Variants in BNC2 observed in about 807,000 individuals in gnomAD.
The protein encoded by BNC2 is basonuclin zinc finger protein 2.
In BNC2, 20 loss-of-function variants were observed where a neutral mutation model predicts 76.3. The ratio of observed to expected loss-of-function variants is 0.26; its 90% CI spans 0.18 to 0.38. The LOEUF (loss-of-function observed/expected upper bound fraction) is 0.38, where lower values mean the gene tolerates loss of function less well. BNC2 is among the 10% of genes least tolerant of loss of function. The probability of loss-of-function intolerance (pLI) is 1.00; values close to 1 mark genes in which losing one functional copy is unlikely to be tolerated. For synonymous variants in BNC2, 582 were observed against 514.8 expected (o/e 1.13, Z -1.77); for missense variants, 1,382 against 1,399.8 (o/e 0.99, Z 0.20).
At chr9:16,670,572 G>C (rs1488343651) in intron 3 of BNC2, among the ~76,000 whole-genome samples, 1 of 152,192 alleles carries the variant, frequency 6.6e-6, no homozygotes, top group Non-Finnish European at 1.5e-5. Context: ...TTATGCTTTA[G>C]TGTGGATAAA....
chr9:16,699,944 C>T (rs377496384), intron 3 of BNC2, among the ~76,000 whole-genome samples: 7 of 152,220 alleles, frequency 4.6e-5, no homozygotes, highest in African/African-American at 1.7e-4. Flanking sequence ...ATTATCATGG[C>T]AGTTAATTTG....
chr9:16,794,769 T>C (rs1463467032), intron 1 of BNC2, among the ~76,000 whole-genome samples: 1 of 152,208 alleles, frequency 6.6e-6, no homozygotes, highest in South Asian at 2.1e-4. Flanking sequence ...TTTACACTTT[T>C]GGGGGTTTAG....
intron 1 of BNC2, among the ~76,000 whole-genome samples, chr9:16,816,938 C>A (rs1378185586): frequency 6.6e-6 from 1 of 152,160 alleles, no homozygotes; most frequent in Non-Finnish European, 1.5e-5. Context: ...ATCTAGGACT[C>A]CCCAAAGTTT....
At chr9:16,787,144 T>C (rs976753762) in intron 1 of BNC2, among the ~76,000 whole-genome samples, 14 of 152,050 alleles carry the variant, frequency 9.2e-5, no homozygotes, top group Admixed American at 3.3e-4. Flanking sequence ...CAGCAACATC[T>C]CTCTTCACTG....
intron 5 of BNC2, among the ~76,000 whole-genome samples, chr9:16,529,463 G>T (rs1040863860): frequency 6.6e-6 from 1 of 151,984 alleles, no homozygotes; most frequent in Non-Finnish European, 1.5e-5. Context: ...ATACATTACT[G>T]CAATGTTTCA....
chr9:16,728,494 T>C (rs898609620), intron 2 of BNC2, among the ~76,000 whole-genome samples: 1 of 152,192 alleles, frequency 6.6e-6, no homozygotes, highest in African/African-American at 2.4e-5. Context: ...ACATAATATC[T>C]GACACCAGTC....
At chr9:16,452,859 C>G (rs1821371708) in intron 5 of BNC2, among the ~76,000 whole-genome samples, 1 of 152,162 alleles carries the variant, frequency 6.6e-6, no homozygotes, top group African/African-American at 2.4e-5. Context: ...TGCATCTGTT[C>G]AATCTATTTT....
intron 3 of BNC2, among the ~76,000 whole-genome samples, chr9:16,694,724 C>G (rs1823284419): frequency 6.6e-6 from 1 of 152,182 alleles, no homozygotes; most frequent in Non-Finnish European, 1.5e-5. Context: ...AGATTCAGTC[C>G]TGCTGTTCCA....
intron 5 of BNC2, among the ~76,000 whole-genome samples, chr9:16,535,038 A>C (rs558111685): frequency 1.3e-5 from 2 of 152,292 alleles, no homozygotes; most frequent in East Asian, 3.9e-4. Context: ...CCAAATTTTT[A>C]ACTTTTGTCA....
rs1468422791 is a variant in BNC2, at chr9:16,412,128, G to A, written c.*6861C>T. On this transcript the variant is annotated 3_prime_UTR_variant, in exon 7 of 7. Coordinates refer to ENST00000380672, the MANE Select transcript of BNC2 (RefSeq NM_017637.6). ...GCTCCCTGTACTTGTACTTACCAAA[G>A]TTCTTCAAAGTGGAGAATTTACCTT... The A allele has an allele frequency of 1.3e-5, 2 of 152,590 alleles. No individual in the cohort carries two copies. The highest frequency in any genetic ancestry group is 2.9e-5 in the Non-Finnish European group (2 of 68,030). The allele number at this position is 152,590 out of a possible 1,614,324, so 9.5% of individuals were successfully genotyped here. A position where few individuals can be genotyped will look rare whatever the true frequency, so the allele number is the denominator to read the frequency against.
chr9:16,743,578 C>T (rs1296302405), intron 1 of BNC2, among the ~76,000 whole-genome samples: 1 of 152,208 alleles, frequency 6.6e-6, no homozygotes, highest in African/African-American at 2.4e-5. Context: ...CTGTAACCCA[C>T]AGCTGTGTGT....
intron 1 of BNC2, among the ~76,000 whole-genome samples, chr9:16,774,275 G>A (rs1825905895): frequency 6.6e-6 from 1 of 152,186 alleles, no homozygotes; most frequent in South Asian, 2.1e-4. Context: ...GAGCCACCGT[G>A]TCCGGCCTAA....
At chr9:16,544,186 G>C (rs1325833206) in intron 5 of BNC2, among the ~76,000 whole-genome samples, 1 of 152,122 alleles carries the variant, frequency 6.6e-6, no homozygotes, top group East Asian at 1.9e-4. Flanking sequence ...TCACCGATTA[G>C]AGTGCTGGTT....
intron 1 of BNC2, among the ~76,000 whole-genome samples, chr9:16,845,525 T>G (rs903692719): frequency 4.6e-5 from 7 of 151,724 alleles, no homozygotes; most frequent in Admixed American, 6.6e-5. Flanking sequence ...ATCGAGACCA[T>G]CCTGGCTAAC....
At chr9:16,574,037 T>C (rs988102607) in intron 4 of BNC2, among the ~76,000 whole-genome samples, 1 of 152,136 alleles carries the variant, frequency 6.6e-6, no homozygotes, top group Non-Finnish European at 1.5e-5. Flanking sequence ...GGAAGAGTGG[T>C]TGAAAGGATC....
rs954656954 is a variant in BNC2, at chr9:16,711,709, T to C, written c.330+16088A>G. ...TTACTTGATCACTGATTTCATTCTATTATTCTGGAGAGAAGGAATATATTC... is the reference window on the plus strand; with the variant it reads ...TTACTTGATCACTGATTTCATTCTACTATTCTGGAGAGAAGGAATATATTC... On this transcript the variant is annotated intron_variant, in intron 3 of 6. Coordinates refer to ENST00000380672, the MANE Select transcript of BNC2 (RefSeq NM_017637.6). Among the ~76,000 whole-genome samples, 3 of 152,254 alleles carry C rather than the reference T, an allele frequency of 2.0e-5. No individual in the cohort carries two copies. The South Asian group carries it at 6.2e-4, about 31-fold the overall frequency.
intron 5 of BNC2, among the ~76,000 whole-genome samples, chr9:16,456,961 T>A (rs185566373): frequency 6.7e-4 from 102 of 152,308 alleles, no homozygotes; most frequent in Non-Finnish European, 1.1e-3. Flanking sequence ...GGTTTCTAAT[T>A]ATTCAATAGT....
intron 4 of BNC2, among the ~76,000 whole-genome samples, chr9:16,571,083 C>T (rs1819309987): frequency 6.6e-6 from 1 of 152,110 alleles, no homozygotes; most frequent in South Asian, 2.1e-4. Flanking sequence ...AGATATTTTA[C>T]TGTATTTAAA....
intron 1 of BNC2, among the ~76,000 whole-genome samples, chr9:16,855,390 T>C (rs1031511048): frequency 2.0e-5 from 3 of 152,190 alleles, no homozygotes; most frequent in Admixed American, 1.3e-4. Flanking sequence ...GAGTATCACA[T>C]ACATCATAGA....
Sources: gnomAD v4.1 joint callset for allele counts (sites outside exome capture counted in the v4.1 genomes callset) on GRCh38, gnomAD v4.1.1 for gene constraint, MANE v1.5 for transcripts, NCBI Gene and HGNC (gene_info 2026-07-23, HGNC 2026-07-21) for gene names.